The following BBS12 variants were observed in gnomAD, a reference collection of about 807,000 sequenced individuals.
BBS12 encodes chaperonin-containing T-complex member BBS12.
In BBS12, 5 loss-of-function variants were observed where a neutral mutation model predicts 5.6. The ratio of observed to expected loss-of-function variants is 0.89; its 90% CI spans 0.46 to 1.86. BBS12 has a LOEUF of 1.86. Among genes scored for constraint, BBS12 ranks in the 40% most tolerant of loss-of-function variants. The pLI, the probability that BBS12 is intolerant of heterozygous loss-of-function variation, is 0.01. For synonymous variants in BBS12, 308 were observed against 306.8 expected (o/e 1.00, Z -0.04); for missense variants, 748 against 830.4 (o/e 0.90, Z 1.22).
upstream of BBS12, among the ~76,000 whole-genome samples, chr4:122,727,779 CT>C (rs1452390622): frequency 6.6e-6 from 1 of 151,898 alleles, no homozygotes; most frequent in Non-Finnish European, 1.5e-5. Flanking sequence ...GTCTCGAACT[CT>C]GATCTGCCTC....
chr4:122,722,756 C>A, the BBS12 span, among the ~76,000 whole-genome samples: 1 of 152,016 alleles, frequency 6.6e-6, no homozygotes, highest in Non-Finnish European at 1.5e-5. Flanking sequence ...TATATAAATT[C>A]TTTTGGATTT....
At chr4:122,723,252 G>C in the BBS12 span, among the ~76,000 whole-genome samples, 1 of 152,100 alleles carries the variant, frequency 6.6e-6, no homozygotes, top group Non-Finnish European at 1.5e-5. Context: ...ACAAGTTGTT[G>C]CCTACCTCAC....
chr4:122,719,665 T>TC, the BBS12 span, among the ~76,000 whole-genome samples: 1 of 151,980 alleles, frequency 6.6e-6, no homozygotes, highest in Non-Finnish European at 1.5e-5. Flanking sequence ...AGGAACCAAT[T>TC]CCCGACACAA....
the BBS12 span, among the ~76,000 whole-genome samples, chr4:122,713,971 T>C: frequency 0.01 from 1,551 of 152,316 alleles, 22 homozygotes; most frequent in African/African-American, 0.035. Context: ...AAGTTGAAGA[T>C]GCACTTTCCA....
the BBS12 span, among the ~76,000 whole-genome samples, chr4:122,726,681 T>C: frequency 1.3e-5 from 2 of 151,958 alleles, no homozygotes; most frequent in African/African-American, 4.8e-5. Context: ...CAATTCGCCA[T>C]TGCAAAAACA....
chr4:122,729,971 T>A (rs921495782), upstream of BBS12: 24 of 152,208 alleles, frequency 1.6e-4, no homozygotes, highest in African/African-American at 5.5e-4. Flanking sequence ...TAAAATTTTT[T>A]AAAAATAAAA....
At chr4:122,727,187 G>C in the BBS12 span, among the ~76,000 whole-genome samples, 1 of 151,672 alleles carries the variant, frequency 6.6e-6, no homozygotes, top group Admixed American at 6.6e-5. Flanking sequence ...CAACATATAT[G>C]ACAGACAAAG....
chr4:122,700,797 C>T, the BBS12 span, among the ~76,000 whole-genome samples: 1 of 152,210 alleles, frequency 6.6e-6, no homozygotes, highest in East Asian at 1.9e-4. Context: ...AAGCTCTAAA[C>T]TTTACAGCAG....
the BBS12 span, among the ~76,000 whole-genome samples, chr4:122,715,447 C>T: frequency 1.3e-5 from 2 of 152,046 alleles, no homozygotes; most frequent in Non-Finnish European, 2.9e-5. Context: ...GTTCTCTGAC[C>T]GGGTGCCTGT....
intron 1 of BBS12, among the ~76,000 whole-genome samples, chr4:122,736,155 A>C (rs371918413): frequency 6.6e-6 from 1 of 152,184 alleles, no homozygotes; most frequent in South Asian, 2.1e-4. Flanking sequence ...AAGGACTGCA[A>C]ATAGTTAGGG....
chr4:122,743,426 A>G lies in BBS12; in HGVS notation c.1534A>G (p.Met512Val). 2.5e-6 allele frequency: 4 copies of G among 1,614,080 alleles called. No individual in the cohort carries two copies. The highest frequency in any genetic ancestry group is 3.4e-6 in the Non-Finnish European group (4 of 1,179,892). Residue 512 changes from methionine (M) to valine (V), a missense_variant, in exon 2 of 2, where the codon ATG becomes GTG. By Grantham distance (21) the Met-to-Val change is conservative (BLOSUM62 1). Transcript: ENST00000314218. ...AVLTNPVTAQMQIKEDRFWTC... is the reference protein window; with the variant it reads ...AVLTNPVTAQVQIKEDRFWTC... ...GCTCACTAACCCAGTTACTGCACAG[A>G]TGCAAATCAAAGAAGATAGGTTCTG...
the BBS12 span, among the ~76,000 whole-genome samples, chr4:122,717,634 A>C: frequency 1.3e-5 from 2 of 152,130 alleles, no homozygotes; most frequent in African/African-American, 4.8e-5. Context: ...GGCTCAGGCA[A>C]TCCTCCCACC....
At chr4:122,706,209 T>A in the BBS12 span, among the ~76,000 whole-genome samples, 4 of 152,012 alleles carry the variant, frequency 2.6e-5, no homozygotes, top group African/African-American at 9.7e-5. Flanking sequence ...TCTCTTTCTC[T>A]CTCTCTTCCA....
Position 122,742,922 on chromosome 4 carries a change from C to A in BBS12, c.1030C>A (p.Pro344Thr), listed in dbSNP as rs1715806829. Residue 344 changes from proline (P) to threonine (T), a missense_variant, in exon 2 of 2, where the codon CCT (proline) becomes ACT (threonine). Pro to Thr is a conservative substitution (Grantham distance 38). Coordinates refer to ENST00000314218, the MANE Select transcript of BBS12 (RefSeq NM_152618.3). ...CACTGTTGTGTCAGTATCTAATAAT[C>A]CTGTGATCAAGGAATTGCAGAATCA... ...YITVVSVSNN[P>T]VIKELQNQPV... is the part of the protein sequence containing the mutation. The A allele has an allele frequency of 1.2e-6, 2 of 1,614,072 alleles. No homozygotes were observed. Among genetic ancestry groups the A allele is most frequent in the Non-Finnish European group, 1.7e-6 (2 of 1,180,046 alleles).
intron 1 of BBS12, among the ~76,000 whole-genome samples, chr4:122,734,333 C>A (rs1267304095): frequency 6.6e-6 from 1 of 151,872 alleles, no homozygotes; most frequent in Non-Finnish European, 1.5e-5. Flanking sequence ...TGGCTCAATC[C>A]CGGCTCACTG....
the BBS12 span, among the ~76,000 whole-genome samples, chr4:122,714,453 A>C: frequency 1.3e-5 from 2 of 152,004 alleles, no homozygotes; most frequent in East Asian, 3.9e-4. Context: ...AATACAAAAT[A>C]CATATTCATC....
chr4:122,742,480 A>T lies in BBS12; in HGVS notation c.588A>T (p.Ser196=), dbSNP rs1214671198. The change falls in exon 2 of 2, where the codon TCA becomes TCT. Residue 196 remains serine (S), a synonymous_variant. Coordinates refer to ENST00000314218, the MANE Select transcript of BBS12 (RefSeq NM_152618.3). ...ACCTTTCTGGGAGACCTCTTAAATC[A>T]TATGAATTATTTAAACCTCAGACAA... ...ISNLSGRPLK[S]YELFKPQTKV... 1.2e-6 allele frequency: 2 copies of T among 1,614,082 alleles called. No individual in the cohort carries two copies. Among genetic ancestry groups the T allele is most frequent in the Admixed American group, 1.7e-5 (1 of 60,002 alleles).
At chr4:122,738,442 C>T (rs979700399) in intron 1 of BBS12, among the ~76,000 whole-genome samples, 2 of 152,148 alleles carry the variant, frequency 1.3e-5, no homozygotes, top group African/African-American at 4.8e-5. Context: ...GATCTCCTGA[C>T]CTCATGATCT....
the BBS12 span, among the ~76,000 whole-genome samples, chr4:122,705,069 C>A: frequency 6.6e-6 from 1 of 152,194 alleles, no homozygotes; most frequent in African/African-American, 2.4e-5. Flanking sequence ...TCTTGCACAT[C>A]TGCTCTCACC....
Sources: gnomAD v4.1 joint callset for allele counts (sites outside exome capture counted in the v4.1 genomes callset) on GRCh38, gnomAD v4.1.1 for gene constraint, MANE v1.5 for transcripts, NCBI Gene and HGNC (gene_info 2026-07-23, HGNC 2026-07-21) for gene names.